The following EIF4G3 variants were observed in gnomAD, a reference collection of about 807,000 sequenced individuals.
The protein encoded by EIF4G3 is eIF-4-gamma 3.
Under a neutral mutation model 186.4 loss-of-function variants are expected in EIF4G3, and 34 were observed. That is an observed-to-expected ratio of 0.18 (90% CI 0.14 to 0.24). EIF4G3 has a LOEUF of 0.24. EIF4G3 is among the 10% of genes least tolerant of loss of function. The pLI is 1.00. For missense variants in EIF4G3, 1,536 were observed against 1,948.5 expected (o/e 0.79, Z 3.99); for synonymous variants, 673 against 679.5 (o/e 0.99, Z 0.15).
At chr1:20,944,263 C>T (rs2095848665) in intron 13 of EIF4G3, among the ~76,000 whole-genome samples, 1 of 151,854 alleles carries the variant, frequency 6.6e-6, no homozygotes, top group East Asian at 1.9e-4. Flanking sequence ...ATCTGTAATC[C>T]TAGCACTTTA....
chr1:20,812,732 G>C (rs2059501155), intron 35 of EIF4G3, among the ~76,000 whole-genome samples: 1 of 152,124 alleles, frequency 6.6e-6, no homozygotes, highest in African/African-American at 2.4e-5. Flanking sequence ...AGGACAAACT[G>C]TTGATATTTT....
intron 16 of EIF4G3, 120 bp from the exon 17 acceptor site, chr1:20,895,621 C>T: frequency 9.1e-7 from 1 of 1,101,322 alleles, no homozygotes; most frequent in Non-Finnish European, 1.3e-6. Context: ...ACATTATAGC[C>T]CATAAGGCTA....
At chr1:20,920,263 A>G (rs1018911299) in intron 14 of EIF4G3, among the ~76,000 whole-genome samples, 7 of 152,230 alleles carry the variant, frequency 4.6e-5, no homozygotes, top group African/African-American at 9.6e-5. Context: ...TTTTTAAAAT[A>G]GGCAATTTAT....
At chr1:20,826,061 C>A (rs1360389853) in intron 32 of EIF4G3, among the ~76,000 whole-genome samples, 1 of 152,198 alleles carries the variant, frequency 6.6e-6, no homozygotes, top group Non-Finnish European at 1.5e-5. Context: ...AATTTGAACT[C>A]GGCCATCTGG....
intron 4 of EIF4G3, among the ~76,000 whole-genome samples, chr1:21,015,369 G>A (rs2088641501): frequency 6.6e-6 from 1 of 151,884 alleles, no homozygotes. Flanking sequence ...AAATAATGGG[G>A]GAAAACTTCC....
intron 14 of EIF4G3, among the ~76,000 whole-genome samples, chr1:20,931,964 A>G (rs530555034): frequency 4.6e-5 from 7 of 152,050 alleles, no homozygotes; most frequent in Non-Finnish European, 7.4e-5. Context: ...TTCTTCTAAC[A>G]TAAGGCGGTT....
chr1:20,965,964 T>C (rs1056963959), intron 12 of EIF4G3, among the ~76,000 whole-genome samples: 1 of 152,206 alleles, frequency 6.6e-6, no homozygotes, highest in Admixed American at 6.5e-5. Flanking sequence ...AACCCAGTTA[T>C]GTCTGATTCC....
intron 29 of EIF4G3, among the ~76,000 whole-genome samples, chr1:20,842,654 C>T (rs1374940424): frequency 3.3e-5 from 5 of 151,728 alleles, no homozygotes; most frequent in African/African-American, 1.2e-4. Flanking sequence ...GCGTGAGCCA[C>T]CGCGCCCGGC....
intron 7 of EIF4G3, among the ~76,000 whole-genome samples, chr1:20,987,223 A>G (rs1360905312): frequency 2.0e-5 from 3 of 152,250 alleles, no homozygotes; most frequent in Non-Finnish European, 4.4e-5. Context: ...TTTGCTCAGT[A>G]AAAGCATGAA....
chr1:21,103,283 AC>A (rs2096559220), intron 2 of EIF4G3, among the ~76,000 whole-genome samples: 1 of 152,056 alleles, frequency 6.6e-6, no homozygotes, highest in Admixed American at 6.6e-5. Flanking sequence ...ATTACCATCT[AC>A]CCAGTCCCCT....
chr1:20,959,655 C>CAAT (rs61144464), intron 12 of EIF4G3, among the ~76,000 whole-genome samples: 5,624 of 142,462 alleles, frequency 0.039, 118 homozygotes, highest in Admixed American at 0.055. Flanking sequence ...AACAAATCAG[C>CAAT]AATAATAATA....
chr1:21,122,375 C>A (rs2096941575), intron 2 of EIF4G3, among the ~76,000 whole-genome samples: 1 of 152,148 alleles, frequency 6.6e-6, no homozygotes, highest in South Asian at 2.1e-4. Flanking sequence ...CAAATAATTT[C>A]TATCCTCCCA....
intron 2 of EIF4G3, among the ~76,000 whole-genome samples, chr1:21,105,396 C>T (rs2096598215): frequency 6.6e-6 from 1 of 151,286 alleles, no homozygotes. Context: ...CGCCATTGCA[C>T]TCCAGCCTAT....
chr1:21,126,410 T>C (rs2097046095), intron 2 of EIF4G3, among the ~76,000 whole-genome samples: 1 of 151,630 alleles, frequency 6.6e-6, no homozygotes, highest in South Asian at 2.1e-4. Context: ...GAGGGAAACA[T>C]TCCCATTACT....
chr1:21,130,271 C>A (rs1323685945), intron 2 of EIF4G3, among the ~76,000 whole-genome samples: 1 of 132,464 alleles, frequency 7.5e-6, no homozygotes, highest in African/African-American at 2.8e-5. Context: ...GTCGCCCAGG[C>A]TAGGGTGCAG....
chr1:20,924,587 G>A (rs181931977), intron 14 of EIF4G3, among the ~76,000 whole-genome samples: 3 of 152,296 alleles, frequency 2.0e-5, no homozygotes, highest in Admixed American at 6.5e-5. Context: ...TTGAGATGGA[G>A]TCTCACTCTG....
intron 2 of EIF4G3, among the ~76,000 whole-genome samples, chr1:21,114,668 TCA>T (rs2096786017): frequency 6.6e-6 from 1 of 152,210 alleles, no homozygotes; most frequent in African/African-American, 2.4e-5. Context: ...TCCCATTTTA[TCA>T]CACAGAATAT....
intron 19 of EIF4G3, among the ~76,000 whole-genome samples, chr1:20,882,454 T>A (rs1372841313): frequency 6.6e-6 from 1 of 151,842 alleles, no homozygotes; most frequent in East Asian, 1.9e-4. Context: ...ACCCCGTCTC[T>A]ACTAAAAATA....
At chr1:20,989,973 T>G (rs2080706436) in intron 7 of EIF4G3, among the ~76,000 whole-genome samples, 1 of 152,002 alleles carries the variant, frequency 6.6e-6, no homozygotes, top group Non-Finnish European at 1.5e-5. Context: ...GGTCAGGAGT[T>G]TAAGACCACT....
Sources: allele counts gnomAD v4.1 joint callset (sites outside exome capture counted in the v4.1 genomes callset), GRCh38; gene constraint gnomAD v4.1.1; transcripts MANE v1.5; gene names NCBI Gene and HGNC (gene_info 2026-07-23, HGNC 2026-07-21).